Variants in ZMAT4 observed in about 807,000 individuals in gnomAD.
ZMAT4 encodes the protein zinc finger matrin-type protein 4.
A neutral mutation model predicts 28.7 loss-of-function variants in ZMAT4; 17 were observed. The ratio of observed to expected loss-of-function variants is 0.59; its 90% CI spans 0.41 to 0.89. The LOEUF is 0.89. Ranked by LOEUF, ZMAT4 falls within the 40% of genes least tolerant of loss-of-function variation. ZMAT4 has a pLI of 0.00. For synonymous variants in ZMAT4, 117 were observed against 109.2 expected, an observed-to-expected ratio of 1.07 and a Z score of -0.44; for missense variants, 240 against 283.8, an observed-to-expected ratio of 0.85 and a Z score of 1.11.
intron 4 of ZMAT4, among the ~76,000 whole-genome samples, chr8:40,677,952 A>G (rs538874745): frequency 6.6e-6 from 1 of 152,270 alleles, no homozygotes; most frequent in African/African-American, 2.4e-5. Flanking sequence ...ACCAGGCTTT[A>G]AAAGTTTCTG....
At chr8:40,780,648 C>T (rs1813789947) in intron 2 of ZMAT4, among the ~76,000 whole-genome samples, 1 of 151,914 alleles carries the variant, frequency 6.6e-6, no homozygotes, top group Non-Finnish European at 1.5e-5. Flanking sequence ...CAATATGAAG[C>T]AAAAACATGA....
At chr8:40,729,730 C>T (rs1811458607) in intron 3 of ZMAT4, among the ~76,000 whole-genome samples, 1 of 151,976 alleles carries the variant, frequency 6.6e-6, no homozygotes, top group South Asian at 2.1e-4. Flanking sequence ...TCCTGAGTAA[C>T]TGAGACTACA....
chr8:40,665,050 T>C (rs1808348113), intron 5 of ZMAT4, among the ~76,000 whole-genome samples: 2 of 152,044 alleles, frequency 1.3e-5, no homozygotes, highest in South Asian at 4.1e-4. Flanking sequence ...ATTCAAAACG[T>C]AAAGCCCTAG....
intron 6 of ZMAT4, among the ~76,000 whole-genome samples, chr8:40,548,907 C>T (rs1473558946): frequency 6.6e-6 from 1 of 152,092 alleles, no homozygotes; most frequent in African/African-American, 2.4e-5. Flanking sequence ...AAAGGAGATG[C>T]CAAGATTCAA....
chr8:40,801,349 A>ATATAT (rs1334146524), intron 2 of ZMAT4, among the ~76,000 whole-genome samples: 7 of 48,766 alleles, frequency 1.4e-4, no homozygotes, highest in Admixed American at 3.3e-4. Flanking sequence ...TTTAAAAAAA[A>ATATAT]AAATATATAT....
At chr8:40,818,085 C>A (rs1002810299) in intron 2 of ZMAT4, among the ~76,000 whole-genome samples, 1 of 152,326 alleles carries the variant, frequency 6.6e-6, no homozygotes, top group Admixed American at 6.5e-5. Context: ...TGAAGCACAT[C>A]ATCTAACAAC....
At chr8:40,585,350 T>C (rs890359694) in intron 5 of ZMAT4, among the ~76,000 whole-genome samples, 2 of 152,098 alleles carry the variant, frequency 1.3e-5, no homozygotes, top group East Asian at 3.9e-4. Flanking sequence ...AAGCAGTGAC[T>C]CCCAAACGTC....
At chr8:40,862,104 T>C (rs1166675416) in intron 1 of ZMAT4, among the ~76,000 whole-genome samples, 1 of 152,112 alleles carries the variant, frequency 6.6e-6, no homozygotes, top group African/African-American at 2.4e-5. Context: ...CATGCTGCTA[T>C]AAAGACACAC....
intron 3 of ZMAT4, among the ~76,000 whole-genome samples, chr8:40,715,408 G>T (rs1397363822): frequency 1.3e-5 from 2 of 152,172 alleles, no homozygotes; most frequent in Non-Finnish European, 2.9e-5. Flanking sequence ...TACCCAGAAA[G>T]ATTTGCACAT....
chr8:40,804,494 T>C (rs1308367577), intron 2 of ZMAT4, among the ~76,000 whole-genome samples: 1 of 152,200 alleles, frequency 6.6e-6, no homozygotes, highest in Non-Finnish European at 1.5e-5. Context: ...CTTCATAATC[T>C]TAATTGTTGG....
At chr8:40,761,292 A>C (rs1424572049) in intron 3 of ZMAT4, among the ~76,000 whole-genome samples, 1 of 151,974 alleles carries the variant, frequency 6.6e-6, no homozygotes, top group Non-Finnish European at 1.5e-5. Flanking sequence ...TGTATTGCTA[A>C]TTTTTCAAAG....
Position 40,640,889 on chromosome 8 carries a change from G to A in ZMAT4, c.577+33815C>T, listed in dbSNP as rs147685758. On this transcript the variant is annotated intron_variant, in intron 5 of 6. Transcript: ENST00000297737. The stretch of plus-strand genomic sequence containing the variant: ...AAGGAGAATTGCTTGAACCTGCAAG[G>A]TGGAAGTTGCAGTGGGCCGAGATTG... 4.4e-3 allele frequency among the ~76,000 whole-genome samples: 673 copies of A among 151,462 alleles called. 4 individuals are homozygous for A. Among genetic ancestry groups the A allele is most frequent in the African/African-American group, 0.016 (643 of 41,248 alleles).
At chr8:40,603,240 T>A (rs575782756) in intron 5 of ZMAT4, among the ~76,000 whole-genome samples, 2 of 152,204 alleles carry the variant, frequency 1.3e-5, no homozygotes, top group Non-Finnish European at 2.9e-5. Flanking sequence ...CTGTGAATAT[T>A]TGGCTTTATT....
At chr8:40,601,596 AAG>A (rs1313417279) in intron 5 of ZMAT4, among the ~76,000 whole-genome samples, 22 of 7,994 alleles carry the variant, frequency 2.8e-3, no homozygotes, top group African/African-American at 6.2e-3. Context: ...GAAAGAAAGA[AAG>A]AAAGAAAGAA....
intron 5 of ZMAT4, among the ~76,000 whole-genome samples, chr8:40,665,315 A>C (rs1461463182): frequency 6.6e-6 from 1 of 152,198 alleles, no homozygotes; most frequent in South Asian, 2.1e-4. Context: ...TCTGTCGCAC[A>C]TACTACTTTC....
intron 1 of ZMAT4, among the ~76,000 whole-genome samples, chr8:40,875,053 C>T (rs1187724397): frequency 6.6e-6 from 1 of 152,186 alleles, no homozygotes; most frequent in Non-Finnish European, 1.5e-5. Flanking sequence ...GGTACCTCAC[C>T]CAGGAACTGT....
intron 1 of ZMAT4, among the ~76,000 whole-genome samples, chr8:40,861,968 G>A (rs1267316157): frequency 6.6e-6 from 1 of 152,144 alleles, no homozygotes; most frequent in Non-Finnish European, 1.5e-5. Flanking sequence ...TTATACTGTT[G>A]GTGGGACTGT....
intron 3 of ZMAT4, among the ~76,000 whole-genome samples, chr8:40,744,828 C>A (rs923020936): frequency 3.4e-4 from 51 of 152,194 alleles, no homozygotes; most frequent in African/African-American, 1.2e-3. Flanking sequence ...ACAAGTAAGG[C>A]AGGCAAGCTC....
intron 1 of ZMAT4, among the ~76,000 whole-genome samples, chr8:40,844,624 T>C (rs1343682473): frequency 2.1e-5 from 3 of 146,324 alleles, no homozygotes; most frequent in Non-Finnish European, 4.6e-5. Flanking sequence ...CTCTCCTCTC[T>C]CTCTCCTCTC....
Sources: gnomAD v4.1 joint callset for allele counts (sites outside exome capture counted in the v4.1 genomes callset) on GRCh38, gnomAD v4.1.1 for gene constraint, MANE v1.5 for transcripts, NCBI Gene and HGNC (gene_info 2026-07-23, HGNC 2026-07-21) for gene names.